CSMD2: variants seen among roughly 807,000 people sequenced by gnomAD.
CSMD2 encodes CUB and Sushi multiple domains 2.
A neutral mutation model predicts 398.5 loss-of-function variants in CSMD2; 130 were observed. The observed-to-expected ratio is 0.33, with a 90% confidence interval of 0.28 to 0.38. The LOEUF is 0.38. Among genes scored for constraint, CSMD2 ranks in the 10% least tolerant of loss-of-function variants. The pLI is 1.00. For missense variants in CSMD2, 3,829 were observed against 4,764.9 expected (o/e 0.80, Z 5.78); for synonymous variants, 1,828 against 1,908.5 (o/e 0.96, Z 1.10).
chr1:33,715,032 C>A (rs1646122580), intron 20 of CSMD2, among the ~76,000 whole-genome samples: 1 of 152,112 alleles, frequency 6.6e-6, no homozygotes, highest in African/African-American at 2.4e-5. Flanking sequence ...ACGGGGAGGC[C>A]AGGACGGGCG....
chr1:33,680,217 T>C (rs1644861486), intron 25 of CSMD2, among the ~76,000 whole-genome samples: 1 of 151,012 alleles, frequency 6.6e-6, no homozygotes, highest in African/African-American at 2.4e-5. Flanking sequence ...CTTCCATGTG[T>C]TCTCATGCTA....
At chr1:33,816,218 C>A (rs1293173183) in intron 9 of CSMD2, among the ~76,000 whole-genome samples, 1 of 152,148 alleles carries the variant, frequency 6.6e-6, no homozygotes, top group African/African-American at 2.4e-5. Context: ...ATGAGTTTAG[C>A]CACAAAGGAA....
chr1:33,704,046 T>C (rs753162192), intron 22 of CSMD2, among the ~76,000 whole-genome samples: 6 of 152,216 alleles, frequency 3.9e-5, no homozygotes, highest in Non-Finnish European at 8.8e-5. Flanking sequence ...TTTAGTTACA[T>C]CAATATCAAA....
At chr1:33,563,474 G>A (rs1658763262) in intron 53 of CSMD2, among the ~76,000 whole-genome samples, 1 of 152,066 alleles carries the variant, frequency 6.6e-6, no homozygotes. Context: ...GCTATTTTCT[G>A]ATGGCTTCTA....
At chr1:33,971,587 C>T (rs2147920363) in intron 3 of CSMD2, among the ~76,000 whole-genome samples, 1 of 152,362 alleles carries the variant, frequency 6.6e-6, no homozygotes, top group Non-Finnish European at 1.5e-5. Flanking sequence ...CTTGGAGTCA[C>T]ATCCTCGTGA....
intron 29 of CSMD2, among the ~76,000 whole-genome samples, chr1:33,645,889 A>G (rs1643399211): frequency 6.6e-6 from 1 of 152,246 alleles, no homozygotes; most frequent in Non-Finnish European, 1.5e-5. Context: ...GGGCAGGGAC[A>G]GCCTGTTTTT....
intron 22 of CSMD2, among the ~76,000 whole-genome samples, chr1:33,705,484 G>C (rs1645744564): frequency 6.6e-6 from 1 of 152,074 alleles, no homozygotes; most frequent in Non-Finnish European, 1.5e-5. Flanking sequence ...GAAAAAATGA[G>C]TTGGGAGATG....
intron 27 of CSMD2, among the ~76,000 whole-genome samples, chr1:33,653,545 C>T (rs989700061): frequency 5.3e-5 from 8 of 152,208 alleles, no homozygotes; most frequent in Middle Eastern, 3.4e-3. Flanking sequence ...AATCAGTCTA[C>T]GTGGTCGCCC....
chr1:33,821,824 GC>G (rs1209587098), intron 7 of CSMD2, among the ~76,000 whole-genome samples: 4 of 152,200 alleles, frequency 2.6e-5, no homozygotes, highest in Non-Finnish European at 5.9e-5. Context: ...ATGTGAGGCT[GC>G]CTGGAAGAGG....
chr1:33,658,304 C>G (rs1271809532), intron 26 of CSMD2, among the ~76,000 whole-genome samples, 167 bp from the exon 27 acceptor site: 1 of 151,108 alleles, frequency 6.6e-6, no homozygotes, highest in African/African-American at 2.5e-5. Flanking sequence ...TATTCTCACT[C>G]CCATTACTAT....
intron 5 of CSMD2, among the ~76,000 whole-genome samples, chr1:33,903,243 A>G (rs879498772): frequency 3.9e-5 from 6 of 152,230 alleles, no homozygotes; most frequent in Admixed American, 3.9e-4. Context: ...TCTTAGTCAA[A>G]AGAAAAAAAA....
rs143693405 is a variant in CSMD2 at position 33,599,780 on chromosome 1, G to A, written c.6856+1085C>T. On this transcript the variant is annotated intron_variant, in intron 44 of 70. Transcript: ENST00000373381. ...CACTCACCCTGGACGATAGCTCCTGGGAATGGCAGTCACAGCTGCTTAGGT... is the reference window on the plus strand; with the variant it reads ...CACTCACCCTGGACGATAGCTCCTGAGAATGGCAGTCACAGCTGCTTAGGT... 1.4e-3 allele frequency: 252 copies of A among 186,340 alleles called. 1 individual carries two copies. The highest frequency in any genetic ancestry group is 5.6e-3 in the African/African-American group (239 of 42,860). The allele number at this position is 186,340 out of a possible 1,614,324, so 11.5% of individuals were successfully genotyped here.
Position 33,624,688 on chromosome 1 carries a change from G to T in CSMD2, c.5501-45C>A. On this transcript the variant is annotated intron_variant, in intron 34 of 70. Transcript: ENST00000373381. This position sits in a 1 kb window ranked among gnomAD's most constrained non-coding sequence, Gnocchi z 4.7. Reference sequence around the variant, plus strand: ...GGTCAGAGGCTTTGTGGCCTCCCGTGGGAGCCTTCCCAAGCTGACTCCTCC... The same window carrying T: ...GGTCAGAGGCTTTGTGGCCTCCCGTTGGAGCCTTCCCAAGCTGACTCCTCC... 6.3e-7 allele frequency: 1 copy of T among 1,588,790 alleles called. No homozygotes were observed. Among genetic ancestry groups the T allele is most frequent in the South Asian group, 1.1e-5 (1 of 89,482 alleles).
intron 56 of CSMD2, among the ~76,000 whole-genome samples, chr1:33,547,352 CATG>C (rs1435465985): frequency 1.3e-5 from 2 of 152,198 alleles, no homozygotes; most frequent in African/African-American, 4.8e-5. Flanking sequence ...CCATGGTAAA[CATG>C]AGGAAAGAGG....
rs1203302101 is a variant in CSMD2 at position 33,633,513 on chromosome 1, G to A, written c.5109C>T (p.Phe1703=). The change falls in exon 32 of 71, where the codon TTC becomes TTT. Residue 1703 remains phenylalanine, a synonymous_variant. Transcript: ENST00000373381. The surrounding 1 kb of genome is among the most constrained non-coding windows in gnomAD (Gnocchi z 5.0). ...CCACGTCGTTGAGGGCCGTGTGAAAGAAGGCGAACTGGCCAAACACCACTG... is the reference window on the plus strand; with the variant it reads ...CCACGTCGTTGAGGGCCGTGTGAAAAAAGGCGAACTGGCCAAACACCACTG... The part of the protein sequence containing the change: ...KDYVVFGQFA[F]FHTALNDVVE... 20 of 1,552,722 alleles carry A rather than the reference G, an allele frequency of 1.3e-5. No individual in the cohort carries two copies. Among genetic ancestry groups the A allele is most frequent in the East Asian group, 2.4e-5 (1 of 41,102 alleles).
chr1:33,946,383 C>G (rs552940120), intron 3 of CSMD2, among the ~76,000 whole-genome samples: 123 of 152,258 alleles, frequency 8.1e-4, no homozygotes, highest in Non-Finnish European at 1.2e-3. Context: ...ATAGAACTTT[C>G]CAGGTTAATG....
chr1:33,928,400 G>C (rs747215002), intron 4 of CSMD2, among the ~76,000 whole-genome samples: 39 of 152,366 alleles, frequency 2.6e-4, no homozygotes, highest in Non-Finnish European at 5.0e-4. Context: ...GGCTGTGGCA[G>C]TGAGAATGAC....
At chr1:33,862,639 C>T (rs543161589) in intron 5 of CSMD2, 1 of 152,390 alleles carries the variant, frequency 6.6e-6, no homozygotes, top group Non-Finnish European at 1.5e-5. Flanking sequence ...CTAGCCCAGA[C>T]TTCCTTGATG....
chr1:33,699,187 C>T (rs1645524318), intron 23 of CSMD2, among the ~76,000 whole-genome samples: 1 of 152,220 alleles, frequency 6.6e-6, no homozygotes, highest in South Asian at 2.1e-4. Flanking sequence ...GGCCTAAGGT[C>T]TGCATTTTCT....
Sources: allele counts gnomAD v4.1 joint callset (sites outside exome capture counted in the v4.1 genomes callset), GRCh38; gene constraint gnomAD v4.1.1; non-coding constraint Gnocchi (gnomAD v3.1); transcripts MANE v1.5; gene names NCBI Gene and HGNC (gene_info 2026-07-23, HGNC 2026-07-21).